Variants in ADAMTSL3 observed in about 807,000 individuals in gnomAD.
ADAMTSL3 encodes ADAMTS like 3.
In ADAMTSL3, 128 loss-of-function variants were observed where a neutral mutation model predicts 201.7. That is an observed-to-expected ratio of 0.63 (90% confidence interval 0.55 to 0.73). ADAMTSL3 has a LOEUF of 0.73. Among genes scored for constraint, ADAMTSL3 ranks in the 30% least tolerant of loss-of-function variants. ADAMTSL3 has a pLI of 0.00. For missense variants in ADAMTSL3, 1,990 were observed against 2,119.6 expected, an observed-to-expected ratio of 0.94 and a Z score of 1.20; for synonymous variants, 738 against 748.4, an observed-to-expected ratio of 0.99 and a Z score of 0.23.
intron 15 of ADAMTSL3, among the ~76,000 whole-genome samples, chr15:83,906,185 G>A (rs983241330): frequency 1.3e-5 from 2 of 152,128 alleles, no homozygotes; most frequent in Middle Eastern, 3.4e-3. Context: ...CTCTGTAATT[G>A]TTATTCCTTT....
intron 3 of ADAMTSL3, among the ~76,000 whole-genome samples, chr15:83,742,501 T>C (rs1236075048): frequency 1.3e-5 from 2 of 152,248 alleles, no homozygotes; most frequent in South Asian, 2.1e-4. Flanking sequence ...AGTTAAAGCT[T>C]TCAAAAGGCT....
At chr15:83,842,002 C>G (rs906638812) in intron 7 of ADAMTSL3, among the ~76,000 whole-genome samples, 8 of 151,472 alleles carry the variant, frequency 5.3e-5, no homozygotes, top group Non-Finnish European at 1.2e-4. Context: ...CTAAGCGACC[C>G]GACTCCAGGG....
chr15:83,902,920 A>G (rs180794435), intron 15 of ADAMTSL3, among the ~76,000 whole-genome samples: 14 of 152,266 alleles, frequency 9.2e-5, no homozygotes, highest in African/African-American at 3.4e-4. Context: ...ATGAACCCCC[A>G]TGTCATGTTC....
At chr15:83,698,630 C>G (rs368106637) in intron 2 of ADAMTSL3, among the ~76,000 whole-genome samples, 42,069 of 152,108 alleles carry the variant, frequency 0.28, 6,031 homozygotes, top group South Asian at 0.49. Context: ...CCACATGCCA[C>G]TGAGTCTTCC....
At chr15:83,817,273 T>C (rs2063784583) in intron 5 of ADAMTSL3, among the ~76,000 whole-genome samples, 1 of 152,240 alleles carries the variant, frequency 6.6e-6, no homozygotes. Context: ...AAACTGTATT[T>C]AAAAATCTTG....
chr15:83,714,691 CCCTTCCTT>C (rs1171809498), intron 3 of ADAMTSL3, among the ~76,000 whole-genome samples: 2 of 127,610 alleles, frequency 1.6e-5, no homozygotes, highest in Non-Finnish European at 3.4e-5. Context: ...CTCCCTTCCT[CCCTTCCTT>C]CCTTCCCTCC....
chr15:83,726,443 G>A (rs2062176508), intron 3 of ADAMTSL3, among the ~76,000 whole-genome samples: 1 of 152,100 alleles, frequency 6.6e-6, no homozygotes, highest in South Asian at 2.1e-4. Context: ...GAATGACAGT[G>A]GTGAAACTGA....
At chr15:83,970,403 C>G in intron 19 of ADAMTSL3, 81 bp from the exon 20 acceptor site, 2 of 1,534,036 alleles carry the variant, frequency 1.3e-6, no homozygotes, top group Non-Finnish European at 1.8e-6. Flanking sequence ...CCTCTTGTTT[C>G]ACCCTTGGAG....
At chr15:83,773,479 T>C (rs772373448) in intron 3 of ADAMTSL3, 44 bp from the exon 4 acceptor site, 2 of 1,603,558 alleles carry the variant, frequency 1.2e-6, no homozygotes, top group Admixed American at 1.7e-5. Flanking sequence ...GCCTATACTT[T>C]ATTGTGTGGT....
chr15:83,928,360 G>C (rs1203229125), intron 17 of ADAMTSL3, among the ~76,000 whole-genome samples: 1 of 152,010 alleles, frequency 6.6e-6, no homozygotes, highest in African/African-American at 2.4e-5. Flanking sequence ...GTAAAAAGAA[G>C]AAAATACAAC....
At chr15:83,786,385 A>G (rs2063263432) in intron 4 of ADAMTSL3, among the ~76,000 whole-genome samples, 1 of 152,220 alleles carries the variant, frequency 6.6e-6, no homozygotes, top group Non-Finnish European at 1.5e-5. Context: ...AATACAATGC[A>G]TAATAATCAC....
intron 2 of ADAMTSL3, among the ~76,000 whole-genome samples, chr15:83,703,749 G>A (rs1006621285): frequency 6.6e-6 from 1 of 151,942 alleles, no homozygotes; most frequent in Admixed American, 6.6e-5. Flanking sequence ...AACGGACTGG[G>A]GTATGAGCTT....
At chr15:83,931,851 A>C (rs1182058020) in intron 17 of ADAMTSL3, among the ~76,000 whole-genome samples, 3 of 152,240 alleles carry the variant, frequency 2.0e-5, no homozygotes, top group Non-Finnish European at 4.4e-5. Context: ...AAAGAAAAAT[A>C]GTTGATGATT....
At chr15:83,842,003 G>T (rs553984468) in intron 7 of ADAMTSL3, among the ~76,000 whole-genome samples, 48 of 151,260 alleles carry the variant, frequency 3.2e-4, no homozygotes, top group African/African-American at 1.1e-3. Flanking sequence ...TAAGCGACCC[G>T]ACTCCAGGGG....
chr15:83,943,965 G>GTT (rs57036252), intron 19 of ADAMTSL3, among the ~76,000 whole-genome samples: 45 of 151,154 alleles, frequency 3.0e-4, no homozygotes, highest in Non-Finnish European at 4.6e-4. Context: ...TATATCCTAT[G>GTT]TTTTTTTTTA....
chr15:83,895,220 G>A (rs574160090), intron 13 of ADAMTSL3, among the ~76,000 whole-genome samples: 2 of 152,284 alleles, frequency 1.3e-5, no homozygotes, highest in South Asian at 4.2e-4. Flanking sequence ...GGCAATTTAA[G>A]TCCTCTTTCT....
chr15:83,671,114 A>C (rs1416984615), intron 2 of ADAMTSL3, among the ~76,000 whole-genome samples: 1 of 152,176 alleles, frequency 6.6e-6, no homozygotes, highest in Non-Finnish European at 1.5e-5. Context: ...CTGTATTCAT[A>C]AGAGATGTTG....
chr15:83,830,973 G>A (rs1029039876), intron 6 of ADAMTSL3, among the ~76,000 whole-genome samples: 1 of 152,154 alleles, frequency 6.6e-6, no homozygotes, highest in South Asian at 2.1e-4. Context: ...GGGTGGGTGG[G>A]TGGAGTATTG....
rs553840474 is a variant in ADAMTSL3, at chr15:83,865,307, C to G, written c.803-5495C>G. On this transcript the variant is annotated intron_variant, in intron 8 of 29. Coordinates refer to ENST00000286744, the MANE Select transcript of ADAMTSL3 (RefSeq NM_207517.3). ...CCAAAAAGAGCCCACATTGCCAAGTCAATCGTAACCCAAAAGAACAAAGCT... is the reference window on the plus strand; with the variant it reads ...CCAAAAAGAGCCCACATTGCCAAGTGAATCGTAACCCAAAAGAACAAAGCT... Among the ~76,000 whole-genome samples, 5 of 152,286 alleles carry G rather than the reference C, an allele frequency of 3.3e-5. No homozygotes were observed. The South Asian group carries it at 1.0e-3, about 32-fold the overall frequency.
Sources: gnomAD v4.1 joint callset for allele counts (sites outside exome capture counted in the v4.1 genomes callset) on GRCh38, gnomAD v4.1.1 for gene constraint, MANE v1.5 for transcripts, NCBI Gene and HGNC (gene_info 2026-07-23, HGNC 2026-07-21) for gene names.